Variants in MAP7 observed in about 807,000 individuals in gnomAD.
The protein encoded by MAP7 is microtubule associated protein 7.
Under a neutral mutation model 94.8 loss-of-function variants are expected in MAP7, and 52 were observed. That is an observed-to-expected ratio of 0.55 (90% CI 0.44 to 0.69). MAP7 has a LOEUF of 0.69. Among genes scored for constraint, MAP7 ranks in the 30% least tolerant of loss-of-function variants. The pLI is 0.00. For missense variants in MAP7, 940 were observed against 964.6 expected (o/e 0.97, Z 0.34); for synonymous variants, 350 against 357.0 (o/e 0.98, Z 0.22).
chr6:136,463,287 C>T (rs1212897559), intron 1 of MAP7, among the ~76,000 whole-genome samples: 3 of 152,314 alleles, frequency 2.0e-5, no homozygotes, highest in African/African-American at 7.2e-5. Context: ...TACTTTGTCT[C>T]ATTCAATTTA....
At chr6:136,548,299 C>T (rs1829887304) in intron 1 of MAP7, among the ~76,000 whole-genome samples, 1 of 151,952 alleles carries the variant, frequency 6.6e-6, no homozygotes, top group Non-Finnish European at 1.5e-5. Flanking sequence ...CTCACTTGTT[C>T]TCTCAAAATA....
At chr6:136,366,124 G>GT in intron 9 of MAP7, 106 bp from the exon 10 acceptor site, 1 of 1,248,956 alleles carries the variant, frequency 8.0e-7, no homozygotes, top group Middle Eastern at 2.6e-4. Flanking sequence ...TTAGCTCCGT[G>GT]TATTTGTTTT....
chr6:136,378,769 T>A (rs749310876), intron 6 of MAP7, among the ~76,000 whole-genome samples: 2 of 152,238 alleles, frequency 1.3e-5, no homozygotes, highest in African/African-American at 2.4e-5. Flanking sequence ...TTTCCAGTGA[T>A]GGCTCATGAA....
chr6:136,401,349 C>T (rs372973876), intron 3 of MAP7, among the ~76,000 whole-genome samples: 12 of 152,234 alleles, frequency 7.9e-5, no homozygotes, highest in African/African-American at 2.2e-4. Context: ...TATTGAGGCA[C>T]TATTCACAAT....
intron 15 of MAP7, 137 bp from the exon 16 acceptor site, chr6:136,356,931 A>G: frequency 1.6e-6 from 1 of 645,098 alleles, no homozygotes; most frequent in Non-Finnish European, 2.8e-6. Flanking sequence ...ACATCACCTA[A>G]ACTCTCTGTG....
chr6:136,549,546 C>T (rs967430529), intron 1 of MAP7, among the ~76,000 whole-genome samples: 5 of 152,132 alleles, frequency 3.3e-5, no homozygotes, highest in African/African-American at 1.2e-4. Context: ...GGACGTGATC[C>T]CCTGTCCCTA....
At chr6:136,447,810 C>T (rs1039210506) in intron 1 of MAP7, among the ~76,000 whole-genome samples, 1 of 152,034 alleles carries the variant, frequency 6.6e-6, no homozygotes, top group African/African-American at 2.4e-5. Flanking sequence ...TGCTAAAATA[C>T]CATAATATTA....
At chr6:136,525,909 C>A (rs1827693459) in intron 1 of MAP7, 3 of 1,535,024 alleles carry the variant, frequency 2.0e-6, no homozygotes, top group Non-Finnish European at 2.6e-6. Context: ...AGGAATTGGC[C>A]TTGCATTGGT....
chr6:136,356,934 T>C, intron 15 of MAP7, 140 bp from the exon 16 acceptor site: 1 of 632,694 alleles, frequency 1.6e-6, no homozygotes, highest in Non-Finnish European at 2.8e-6. Flanking sequence ...TCACCTAAAC[T>C]CTCTGTGCCT....
intron 1 of MAP7, among the ~76,000 whole-genome samples, chr6:136,548,642 T>C (rs1829909738): frequency 6.6e-6 from 1 of 152,220 alleles, no homozygotes; most frequent in Non-Finnish European, 1.5e-5. Context: ...ATATTAATTG[T>C]TGGAAGCACG....
intron 1 of MAP7, among the ~76,000 whole-genome samples, chr6:136,509,110 T>A (rs1822469155): frequency 6.6e-6 from 1 of 152,156 alleles, no homozygotes; most frequent in Non-Finnish European, 1.5e-5. Context: ...AACCAAGAAA[T>A]CCTCAGATGG....
rs1171306660 is a variant in MAP7 at position 136,531,131 on chromosome 6, A to G, written c.67+19211T>C. ...CCTCTTGTTCATTACTCTCATTGATAATACTTTATTAATGTGCACTACATG... is the reference window on the plus strand; with the variant it reads ...CCTCTTGTTCATTACTCTCATTGATGATACTTTATTAATGTGCACTACATG... On this transcript the variant is annotated intron_variant, in intron 1 of 17. Coordinates refer to ENST00000354570, the MANE Select transcript of MAP7 (RefSeq NM_003980.6). 1.4e-5 allele frequency among the ~76,000 whole-genome samples: 2 copies of G among 145,046 alleles called. 1 individual carries two copies. The highest frequency in any genetic ancestry group is 5.7e-5 in the African/African-American group (2 of 35,028).
chr6:136,381,929 G>GAC (rs1777899754), intron 6 of MAP7, among the ~76,000 whole-genome samples: 1 of 121,582 alleles, frequency 8.2e-6, no homozygotes, highest in Non-Finnish European at 1.8e-5. Flanking sequence ...CAGAGAGAGA[G>GAC]AGAGAGAATG....
intron 1 of MAP7, among the ~76,000 whole-genome samples, chr6:136,507,746 C>T (rs1157856523): frequency 6.6e-6 from 1 of 152,110 alleles, no homozygotes; most frequent in Non-Finnish European, 1.5e-5. Context: ...CTTTAATAAC[C>T]CTATGAGATA....
chr6:136,375,124 G>T lies in MAP7; in HGVS notation c.752-2499C>A, dbSNP rs186444215. On this transcript the variant is annotated intron_variant, in intron 7 of 17. Transcript: ENST00000354570. ...TGGGTGCAGAGAAAAGATAATGCAGGTCAAGTAGTTGAAATGTAGCATAGC... is the reference window on the plus strand; with the variant it reads ...TGGGTGCAGAGAAAAGATAATGCAGTTCAAGTAGTTGAAATGTAGCATAGC... 1.2e-3 allele frequency among the ~76,000 whole-genome samples: 176 copies of T among 152,162 alleles called. 4 individuals are homozygous for T. Among genetic ancestry groups the T allele is most frequent in the Non-Finnish European group, 2.1e-4 (14 of 68,004 alleles).
chr6:136,534,031 G>GA (rs1440667499), intron 1 of MAP7, among the ~76,000 whole-genome samples: 3 of 152,042 alleles, frequency 2.0e-5, no homozygotes, highest in Non-Finnish European at 4.4e-5. Context: ...CAAAAATCAG[G>GA]AAAGATTAAT....
At chr6:136,372,455 A>G in intron 8 of MAP7, 46 bp downstream of exon 8, 1 of 1,610,634 alleles carries the variant, frequency 6.2e-7, no homozygotes, top group Non-Finnish European at 8.5e-7. Flanking sequence ...GCACAGGAAC[A>G]GCACTGGCTC....
At chr6:136,356,861 A>G in intron 15 of MAP7, 67 bp from the exon 16 acceptor site, 1 of 1,261,292 alleles carries the variant, frequency 7.9e-7, no homozygotes, top group Non-Finnish European at 1.1e-6. Context: ...AACCTCCAAG[A>G]GCCAGAATGC....
chr6:136,366,090 C>T (rs1190283180), intron 9 of MAP7, 72 bp from the exon 10 acceptor site: 45 of 1,463,512 alleles, frequency 3.1e-5, no homozygotes, highest in Non-Finnish European at 4.0e-5. Flanking sequence ...TAGAACACGA[C>T]TCGATGGAAG....
Sources: allele counts gnomAD v4.1 joint callset (sites outside exome capture counted in the v4.1 genomes callset), GRCh38; gene constraint gnomAD v4.1.1; transcripts MANE v1.5; gene names NCBI Gene and HGNC (gene_info 2026-07-23, HGNC 2026-07-21).